The following ANO2 variants were observed in gnomAD, a reference collection of about 807,000 sequenced individuals.
The protein encoded by ANO2 is anoctamin 2.
In ANO2, 101 loss-of-function variants were observed where a neutral mutation model predicts 124.2. The observed-to-expected ratio is 0.81, with a 90% CI of 0.69 to 0.96. The LOEUF (loss-of-function observed/expected upper bound fraction) is 0.96, where lower values mean the gene tolerates loss of function less well. ANO2 is among the 40% of genes least tolerant of loss of function. The pLI is 0.00. For synonymous variants in ANO2, 486 were observed against 482.5 expected (o/e 1.01, Z -0.09); for missense variants, 1,293 against 1,274.5 (o/e 1.01, Z -0.22).
At chr12:5,868,317 A>G (rs1955485566) in intron 3 of ANO2, among the ~76,000 whole-genome samples, 1 of 152,202 alleles carries the variant, frequency 6.6e-6, no homozygotes, top group African/African-American at 2.4e-5. Flanking sequence ...ACATTAAAGA[A>G]GAGCTCAGAG....
intron 24 of ANO2, 84 bp from the exon 25 acceptor site, chr12:5,563,652 T>C: frequency 2.6e-6 from 4 of 1,543,938 alleles, no homozygotes; most frequent in Non-Finnish European, 3.5e-6. Flanking sequence ...TGCCTCTGTG[T>C]CAATCCTGGC....
intron 1 of ANO2, among the ~76,000 whole-genome samples, chr12:5,939,947 T>A (rs917530143): frequency 2.0e-5 from 3 of 152,206 alleles, no homozygotes; most frequent in Non-Finnish European, 4.4e-5. Context: ...ACACCTTATA[T>A]TGTGTTAAAG....
intron 1 of ANO2, among the ~76,000 whole-genome samples, chr12:5,927,133 C>T (rs1435277525): frequency 6.6e-6 from 1 of 152,218 alleles, no homozygotes; most frequent in Non-Finnish European, 1.5e-5. Context: ...TGCCTGCTCA[C>T]CTGCCACTTC....
intron 14 of ANO2, among the ~76,000 whole-genome samples, chr12:5,659,918 G>T (rs1947355136): frequency 6.6e-6 from 1 of 152,084 alleles, no homozygotes; most frequent in Non-Finnish European, 1.5e-5. Context: ...CTTTTATTTT[G>T]TGATAGTGGT....
chr12:5,863,915 A>G (rs1193957840), intron 3 of ANO2, among the ~76,000 whole-genome samples: 1 of 152,248 alleles, frequency 6.6e-6, no homozygotes, highest in Non-Finnish European at 1.5e-5. Flanking sequence ...AAAGTGAATA[A>G]TGATTTCATG....
chr12:5,657,089 C>G lies in ANO2; in HGVS notation c.1546-9288G>C, dbSNP rs142888266. ...TTCTGAAGGAAGTCACTTGGGGGAGCCTGTTTCCACGAATGACTTCAGTAA... is the reference window on the plus strand; with the variant it reads ...TTCTGAAGGAAGTCACTTGGGGGAGGCTGTTTCCACGAATGACTTCAGTAA... On this transcript the variant is annotated intron_variant, in intron 14 of 24. Coordinates refer to ENST00000682330, the MANE Select transcript of ANO2 (RefSeq NM_001364791.2). Among the ~76,000 whole-genome samples, 31 of 152,264 alleles carry G rather than the reference C, an allele frequency of 2.0e-4. No homozygotes were observed. The East Asian group carries it at 5.6e-3, about 28-fold the overall frequency.
At chr12:5,831,828 GGTT>G (rs1483474837) in intron 5 of ANO2, among the ~76,000 whole-genome samples, 4 of 152,060 alleles carry the variant, frequency 2.6e-5, no homozygotes, top group African/African-American at 9.7e-5. Context: ...CACCCTCGAT[GGTT>G]GTTTATTTTC....
chr12:5,580,523 T>C (rs776256184), intron 20 of ANO2, among the ~76,000 whole-genome samples: 5 of 152,228 alleles, frequency 3.3e-5, no homozygotes, highest in African/African-American at 9.6e-5. Flanking sequence ...AGCAACCTCA[T>C]TGATAAATTG....
chr12:5,827,949 C>T, intron 6 of ANO2, 129 bp from the exon 7 acceptor site: 1 of 965,356 alleles, frequency 1.0e-6, no homozygotes, highest in East Asian at 2.6e-5. Context: ...CGAAGCCAAG[C>T]ATGTGCCTGG....
intron 14 of ANO2, among the ~76,000 whole-genome samples, chr12:5,659,590 G>A (rs1182093784): frequency 1.3e-5 from 2 of 152,262 alleles, no homozygotes; most frequent in Non-Finnish European, 2.9e-5. Context: ...GCCCAGGACA[G>A]AACGCAGTGT....
intron 1 of ANO2, among the ~76,000 whole-genome samples, chr12:5,943,082 AAC>A (rs1942956406): frequency 1.3e-5 from 2 of 152,250 alleles, no homozygotes; most frequent in African/African-American, 4.8e-5. Context: ...CTAAAAGTAG[AAC>A]ACCATTAGAT....
intron 3 of ANO2, among the ~76,000 whole-genome samples, chr12:5,914,868 C>A (rs1401335483): frequency 6.6e-6 from 1 of 152,202 alleles, no homozygotes; most frequent in Non-Finnish European, 1.5e-5. Context: ...CCCTCAGGTG[C>A]CCCTGGTGAC....
chr12:5,756,910 G>C (rs751988667), intron 10 of ANO2, among the ~76,000 whole-genome samples: 3 of 152,254 alleles, frequency 2.0e-5, no homozygotes, highest in Non-Finnish European at 4.4e-5. Flanking sequence ...TCATGCCATT[G>C]GGGACATGGG....
chr12:5,764,954 T>C (rs1013698679), intron 10 of ANO2, among the ~76,000 whole-genome samples: 3 of 152,094 alleles, frequency 2.0e-5, no homozygotes, highest in African/African-American at 7.2e-5. Flanking sequence ...CCTCATCCCT[T>C]AAAGGAAGGA....
intron 14 of ANO2, among the ~76,000 whole-genome samples, chr12:5,692,843 C>CT (rs1378996917): frequency 6.6e-6 from 1 of 152,176 alleles, no homozygotes; most frequent in East Asian, 1.9e-4. Flanking sequence ...AAAAGAGAGA[C>CT]TGAGAACAAA....
intron 20 of ANO2, among the ~76,000 whole-genome samples, chr12:5,585,047 G>A (rs1461921963): frequency 6.6e-6 from 1 of 152,068 alleles, no homozygotes; most frequent in Non-Finnish European, 1.5e-5. Context: ...GCCTCACGTG[G>A]TGAGAACAAA....
intron 4 of ANO2, among the ~76,000 whole-genome samples, chr12:5,833,168 T>A (rs1954209225): frequency 6.6e-6 from 1 of 152,236 alleles, no homozygotes. Context: ...GAAATATCTG[T>A]GTTTAAATGA....
chr12:5,669,055 T>G lies in ANO2; in HGVS notation c.1546-21254A>C, dbSNP rs1591857630. On this transcript the variant is annotated intron_variant, in intron 14 of 24. Coordinates refer to ENST00000682330, the MANE Select transcript of ANO2 (RefSeq NM_001364791.2). Reference sequence around the variant, plus strand: ...CTCTTTTTTTAGTACCATATGAATTTTAAAATCGTTTCTTCTAATTCTGTG... The same window carrying G: ...CTCTTTTTTTAGTACCATATGAATTGTAAAATCGTTTCTTCTAATTCTGTG... Among the ~76,000 whole-genome samples the G allele has an allele frequency of 2.0e-5, 3 of 151,594 alleles. No individual in the cohort carries two copies. In the East Asian group the frequency reaches 5.8e-4, roughly 29 times the overall value.
intron 9 of ANO2, among the ~76,000 whole-genome samples, chr12:5,800,966 T>C (rs1953019941): frequency 6.6e-6 from 1 of 152,018 alleles, no homozygotes; most frequent in South Asian, 2.1e-4. Context: ...TGATGAAGAA[T>C]GAGTAAAGGA....
Sources: gnomAD v4.1 joint callset for allele counts (sites outside exome capture counted in the v4.1 genomes callset) on GRCh38, gnomAD v4.1.1 for gene constraint, MANE v1.5 for transcripts, NCBI Gene and HGNC (gene_info 2026-07-23, HGNC 2026-07-21) for gene names.